NTM: variants seen among roughly 807,000 people sequenced by gnomAD.
NTM encodes the protein IgLON family member 2.
Under a neutral mutation model 42.1 loss-of-function variants are expected in NTM, and 13 were observed. That is an observed-to-expected ratio of 0.31 (90% CI 0.20 to 0.49). NTM has a LOEUF of 0.49. NTM is among the 20% of genes least tolerant of loss of function. The pLI is 0.99. For synonymous variants in NTM, 187 were observed against 179.2 expected (o/e 1.04, Z -0.35); for missense variants, 373 against 452.8 (o/e 0.82, Z 1.60).
chr11:132,258,047 A>G (rs571152321), intron 4 of NTM, among the ~76,000 whole-genome samples: 1 of 152,316 alleles, frequency 6.6e-6, no homozygotes, highest in Non-Finnish European at 1.5e-5. Context: ...GGCATTTCTA[A>G]CACAGCCCTT....
At chr11:132,138,367 C>T (rs974057849) in intron 2 of NTM, among the ~76,000 whole-genome samples, 2 of 152,068 alleles carry the variant, frequency 1.3e-5, no homozygotes, top group African/African-American at 4.8e-5. Flanking sequence ...TTAAGCTTGA[C>T]CTTGGTGTGG....
chr11:131,910,939 C>A, intron 1 of NTM: 1 of 988,518 alleles, frequency 1.0e-6, no homozygotes, highest in Non-Finnish European at 1.2e-6. Context: ...CTGCGCCTCC[C>A]GCGAGCTCCA....
At chr11:132,076,180 G>C (rs2058339578) in intron 2 of NTM, among the ~76,000 whole-genome samples, 1 of 152,050 alleles carries the variant, frequency 6.6e-6, no homozygotes, top group East Asian at 1.9e-4. Flanking sequence ...GCTTCTACTT[G>C]ATTCTTGTGA....
chr11:131,528,507 C>A (rs569913199), intron 1 of NTM, among the ~76,000 whole-genome samples: 1 of 152,258 alleles, frequency 6.6e-6, no homozygotes, highest in African/African-American at 2.4e-5. Flanking sequence ...TACTCAGTGC[C>A]ACAGATGCTT....
chr11:131,859,074 ACATC>A (rs772277900), intron 1 of NTM, among the ~76,000 whole-genome samples: 1 of 152,084 alleles, frequency 6.6e-6, no homozygotes, highest in East Asian at 1.9e-4. Context: ...TTCCCCTTCA[ACATC>A]CATCCATCCA....
At chr11:131,722,044 G>C (rs1002507118) in intron 1 of NTM, among the ~76,000 whole-genome samples, 1 of 135,574 alleles carries the variant, frequency 7.4e-6, no homozygotes, top group Non-Finnish European at 1.6e-5. Flanking sequence ...AGAAAATAAT[G>C]CTTGTAAAGC....
At chr11:131,455,396 C>G (rs960351136) in intron 1 of NTM, 2 of 152,248 alleles carry the variant, frequency 1.3e-5, no homozygotes, top group Non-Finnish European at 2.9e-5. Flanking sequence ...CCACTGAGCT[C>G]AAGTTCTGGC....
intron 2 of NTM, among the ~76,000 whole-genome samples, chr11:132,019,028 G>C (rs1387360158): frequency 6.6e-6 from 1 of 151,854 alleles, no homozygotes; most frequent in Non-Finnish European, 1.5e-5. Flanking sequence ...CTTCTAATCT[G>C]TTCATAGTCT....
chr11:131,545,178 C>G (rs1426094859), intron 1 of NTM, among the ~76,000 whole-genome samples: 4 of 152,122 alleles, frequency 2.6e-5, no homozygotes. Flanking sequence ...AAATGGGTAT[C>G]ATTTCTAAGG....
At chr11:131,875,123 T>C (rs540574106) in intron 1 of NTM, among the ~76,000 whole-genome samples, 1 of 152,356 alleles carries the variant, frequency 6.6e-6, no homozygotes, top group South Asian at 2.1e-4. Flanking sequence ...CCATGAGCCT[T>C]ATTTCATCAC....
Position 131,593,431 on chromosome 11 carries a change from C to A in NTM, c.82+222543C>A, listed in dbSNP as rs535714264. 1.7e-4 allele frequency among the ~76,000 whole-genome samples: 26 copies of A among 152,316 alleles called. No homozygotes were observed. The South Asian group carries it at 2.9e-3, about 17-fold the overall frequency. On this transcript the variant is annotated intron_variant, in intron 1 of 8. Coordinates refer to ENST00000683400, the MANE Select transcript of NTM (RefSeq NM_001352005.2). ...GGACTTCCCAACCCATCGTGTCAGG[C>A]AGGGGACTGAGCCTCACCAGGGTCC...
At chr11:132,125,267 T>A (rs946044716) in intron 2 of NTM, among the ~76,000 whole-genome samples, 2 of 139,306 alleles carry the variant, frequency 1.4e-5, no homozygotes, top group Non-Finnish European at 3.0e-5. Context: ...AGAAGATAAA[T>A]AATGTACTGG....
chr11:131,532,884 CT>C (rs2051508237), intron 1 of NTM, among the ~76,000 whole-genome samples: 1 of 151,782 alleles, frequency 6.6e-6, no homozygotes, highest in African/African-American at 2.4e-5. Context: ...GGAGAAACGT[CT>C]ATTCAAGTCC....
chr11:131,530,137 A>G (rs952647913), intron 1 of NTM, among the ~76,000 whole-genome samples: 1 of 152,160 alleles, frequency 6.6e-6, no homozygotes, highest in African/African-American at 2.4e-5. Flanking sequence ...TTATATTTTT[A>G]CCAGGCACTT....
chr11:132,205,493 G>A (rs564946467), intron 3 of NTM, among the ~76,000 whole-genome samples: 13 of 152,120 alleles, frequency 8.5e-5, no homozygotes, highest in South Asian at 4.2e-4. Context: ...AATAAGAGCC[G>A]GATTAAACAT....
At chr11:132,249,861 C>T (rs1274845379) in intron 4 of NTM, among the ~76,000 whole-genome samples, 2 of 152,196 alleles carry the variant, frequency 1.3e-5, no homozygotes, top group Non-Finnish European at 2.9e-5. Context: ...TTTTAATTTT[C>T]TCTCTCTTGG....
chr11:131,619,814 T>A (rs2062337620), intron 1 of NTM, among the ~76,000 whole-genome samples: 1 of 151,774 alleles, frequency 6.6e-6, no homozygotes, highest in South Asian at 2.1e-4. Flanking sequence ...GCTAAACATC[T>A]TCTTTTTTTT....
intron 2 of NTM, among the ~76,000 whole-genome samples, chr11:132,030,878 A>AT (rs761884085): frequency 2.0e-5 from 3 of 152,242 alleles, no homozygotes; most frequent in Admixed American, 6.5e-5. Context: ...ACAAAATAGC[A>AT]TTTTTTCTCA....
chr11:132,179,126 C>G (rs1233155720), intron 3 of NTM, among the ~76,000 whole-genome samples: 3 of 152,186 alleles, frequency 2.0e-5, no homozygotes, highest in Admixed American at 1.3e-4. Context: ...ACTCCACCCT[C>G]TGCTAAAATA....
Sources: gnomAD v4.1 joint callset for allele counts (sites outside exome capture counted in the v4.1 genomes callset) on GRCh38, gnomAD v4.1.1 for gene constraint, MANE v1.5 for transcripts, NCBI Gene and HGNC (gene_info 2026-07-23, HGNC 2026-07-21) for gene names.